The following KCNJ4 variants were observed in gnomAD, a reference collection of about 807,000 sequenced individuals.
The protein encoded by KCNJ4 is inward rectifier potassium channel 4.
A neutral mutation model predicts 25.6 loss-of-function variants in KCNJ4; 3 were observed. The observed-to-expected ratio is 0.12, with a 90% CI of 0.05 to 0.30. KCNJ4 has a LOEUF of 0.30. Ranked by LOEUF, KCNJ4 falls within the 10% of genes least tolerant of loss-of-function variation. KCNJ4 has a pLI of 1.00. For synonymous variants in KCNJ4, 257 were observed against 283.9 expected (o/e 0.91, Z 0.95); for missense variants, 286 against 666.8 (o/e 0.43, Z 6.29).
chr22:38,440,843 C>A (rs183490770), intron 1 of KCNJ4, among the ~76,000 whole-genome samples: 1 of 152,074 alleles, frequency 6.6e-6, no homozygotes, highest in Non-Finnish European at 1.5e-5. Context: ...AAGACTGAAA[C>A]GGGGCCAGGT....
rs756264389 is a variant in KCNJ4 at position 38,427,414 on chromosome 22, C to T, written c.719G>A (p.Arg240Gln). 1.3e-5 allele frequency: 21 copies of T among 1,613,884 alleles called. No homozygotes were observed. The highest frequency in any genetic ancestry group is 1.6e-5 in the Non-Finnish European group (19 of 1,180,026). ...GATGTCATAGCCCACGTTGAGGTCC[C>T]GCTGGTCCAGGGGCAGGTACTCGCC... is the stretch of plus-strand genomic sequence containing the variant. ...QEGEYLPLDQ[R>Q]DLNVGYDIGL... The change falls in exon 2 of 2, where the codon CGG becomes CAG. Residue 240 changes from arginine to glutamine, a missense_variant. Arg to Gln is a conservative substitution (Grantham distance 43). This residue lies in a region of KCNJ4 where 39 missense variants were observed against 100.9 expected (regional missense o/e 0.39). Coordinates refer to ENST00000303592, the MANE Select transcript of KCNJ4 (RefSeq NM_152868.3).
In KCNJ4 at chr22:38,428,191, C is replaced by T. The variant is rs556823421; in HGVS notation, c.-39-20G>A. On this transcript the variant is annotated intron_variant, in intron 1 of 1. Transcript: ENST00000303592. Reference sequence around the variant, plus strand: ...CAGGGCCTGCGGAGGAGAAGCCGGACAGGTGAGATGCTGGGGAGCGAGGGG... The same window carrying T: ...CAGGGCCTGCGGAGGAGAAGCCGGATAGGTGAGATGCTGGGGAGCGAGGGG... 2.4e-3 allele frequency: 3,778 copies of T among 1,554,914 alleles called. 4 individuals carry two copies. Among genetic ancestry groups the T allele is most frequent in the Non-Finnish European group, 2.9e-3 (3,312 of 1,151,552 alleles).
chr22:38,444,616 G>C (rs1489778427), intron 1 of KCNJ4, among the ~76,000 whole-genome samples: 1 of 152,214 alleles, frequency 6.6e-6, no homozygotes, highest in Non-Finnish European at 1.5e-5. Context: ...ACAGGACCTA[G>C]TGGGAGAGGG....
rs1417192176 is a variant in KCNJ4, at chr22:38,443,458, G to A, written c.-40+11522C>T. 1.3e-5 allele frequency among the ~76,000 whole-genome samples: 2 copies of A among 152,070 alleles called. No individual in the cohort carries two copies. The highest frequency in any genetic ancestry group is 2.9e-5 in the Non-Finnish European group (2 of 68,014). On this transcript the variant is annotated intron_variant, in intron 1 of 1. Coordinates refer to ENST00000303592, the MANE Select transcript of KCNJ4 (RefSeq NM_152868.3). This position sits in a 1 kb window ranked among gnomAD's most constrained non-coding sequence, Gnocchi z 4.1. ...ACTGCCAAGCCCAAGCCATGCCCCC[G>A]TCCTCCCCTCTCCTGCCTTCCCCAT... is the stretch of plus-strand genomic sequence containing the variant.
chr22:38,452,558 A>G (rs985529526), intron 1 of KCNJ4, among the ~76,000 whole-genome samples: 4 of 151,872 alleles, frequency 2.6e-5, no homozygotes, highest in Non-Finnish European at 5.9e-5. Flanking sequence ...GTGCAGGGGG[A>G]GCGGCGGCGG....
intron 1 of KCNJ4, among the ~76,000 whole-genome samples, chr22:38,451,089 T>A (rs1312143749): frequency 6.6e-6 from 1 of 152,214 alleles, no homozygotes; most frequent in Non-Finnish European, 1.5e-5. Flanking sequence ...AAATGGGAAT[T>A]TGCAAAAGCT....
intron 1 of KCNJ4, among the ~76,000 whole-genome samples, chr22:38,440,730 T>C (rs1218074464): frequency 6.6e-6 from 1 of 152,040 alleles, no homozygotes; most frequent in Admixed American, 6.5e-5. Flanking sequence ...ATGGTGGCCA[T>C]GGAGCTCAAA....
rs1167632529 is a variant in KCNJ4 at position 38,432,970 on chromosome 22, C to CA, written c.-39-4800dup. On this transcript the variant is annotated intron_variant, in intron 1 of 1. Coordinates refer to ENST00000303592, the MANE Select transcript of KCNJ4 (RefSeq NM_152868.3). ...TGGGCAACAGAGCAAGACTCCATCTCAAAAAAAAGATCAATGGTACTGCTG... is the reference window on the plus strand; with the variant it reads ...TGGGCAACAGAGCAAGACTCCATCTCAAAAAAAAAGATCAATGGTACTGCTG... 4.0e-5 allele frequency among the ~76,000 whole-genome samples: 6 copies of CA among 150,598 alleles called. No homozygotes were observed. In the East Asian group the frequency reaches 1.0e-3, roughly 25 times the overall value.
At chr22:38,442,698 A>G (rs950840904) in intron 1 of KCNJ4, among the ~76,000 whole-genome samples, 1 of 152,200 alleles carries the variant, frequency 6.6e-6, no homozygotes, top group African/African-American at 2.4e-5. Context: ...TGCCAAGGCG[A>G]ACAGTGTGGG....
At chr22:38,445,300 A>G (rs547006740) in intron 1 of KCNJ4, among the ~76,000 whole-genome samples, 2 of 152,182 alleles carry the variant, frequency 1.3e-5, no homozygotes, top group South Asian at 4.2e-4. Flanking sequence ...TGAGGGCAGG[A>G]CAGCAGCATC....
chr22:38,452,533 C>T (rs1482435645), intron 1 of KCNJ4, among the ~76,000 whole-genome samples: 1 of 152,216 alleles, frequency 6.6e-6, no homozygotes, highest in Non-Finnish European at 1.5e-5. Flanking sequence ...CTGGCCCTCC[C>T]CTACTGCTCT....
At chr22:38,439,503 A>G (rs1210856790) in intron 1 of KCNJ4, among the ~76,000 whole-genome samples, 2 of 151,632 alleles carry the variant, frequency 1.3e-5, no homozygotes, top group African/African-American at 4.8e-5. Context: ...CCGGCCGGGC[A>G]TGGTGGTTCA....
chr22:38,439,640 T>C (rs2089317768), intron 1 of KCNJ4, among the ~76,000 whole-genome samples: 1 of 147,042 alleles, frequency 6.8e-6, no homozygotes, highest in Non-Finnish European at 1.5e-5. Flanking sequence ...CCGGGTGTGG[T>C]GGTGGACACC....
At chr22:38,430,134 C>T (rs1455614783) in intron 1 of KCNJ4, among the ~76,000 whole-genome samples, 1 of 152,190 alleles carries the variant, frequency 6.6e-6, no homozygotes, top group African/African-American at 2.4e-5. Flanking sequence ...TCCTACAGTC[C>T]TGGGTTGAAG....
At chr22:38,447,979 A>G (rs2145947413) in intron 1 of KCNJ4, among the ~76,000 whole-genome samples, 1 of 149,950 alleles carries the variant, frequency 6.7e-6, no homozygotes, top group South Asian at 2.1e-4. Flanking sequence ...CGGAAGAATC[A>G]CTTGAATCTG....
intron 1 of KCNJ4, among the ~76,000 whole-genome samples, chr22:38,440,959 G>A (rs548188734): frequency 4.9e-4 from 74 of 152,336 alleles, no homozygotes; most frequent in African/African-American, 1.7e-3. Flanking sequence ...GCAGAGCTGG[G>A]TGCATGAGAT....
chr22:38,430,673 T>A (rs1051294486), intron 1 of KCNJ4, among the ~76,000 whole-genome samples: 8 of 152,132 alleles, frequency 5.3e-5, no homozygotes, highest in Non-Finnish European at 7.4e-5. Flanking sequence ...GGAGAAAGGC[T>A]TGGGGTTCTG....
intron 1 of KCNJ4, among the ~76,000 whole-genome samples, chr22:38,448,668 G>GCT (rs1477332259): frequency 2.0e-5 from 3 of 152,216 alleles, no homozygotes; most frequent in African/African-American, 7.2e-5. Context: ...AGGACACAGA[G>GCT]GAGTCAGGAG....
intron 1 of KCNJ4, among the ~76,000 whole-genome samples, chr22:38,437,700 T>C (rs1273393104): frequency 6.6e-6 from 1 of 152,168 alleles, no homozygotes; most frequent in Non-Finnish European, 1.5e-5. Context: ...GGCCTCTGGT[T>C]TGATGGGCAT....
Sources: gnomAD v4.1 joint callset for allele counts (sites outside exome capture counted in the v4.1 genomes callset) on GRCh38, gnomAD v4.1.1 for gene constraint, gnomAD v4.1.1 regional missense constraint, Gnocchi (gnomAD v3.1) non-coding constraint, MANE v1.5 for transcripts, NCBI Gene and HGNC (gene_info 2026-07-23, HGNC 2026-07-21) for gene names.